The following BNC2 variants were observed in gnomAD, a reference collection of about 807,000 sequenced individuals.
The protein encoded by BNC2 is zinc finger protein basonuclin-2.
BNC2 carries 20 observed loss-of-function variants against 76.3 expected under a neutral mutation model. The ratio of observed to expected loss-of-function variants is 0.26; its 90% confidence interval spans 0.18 to 0.38. The LOEUF (loss-of-function observed/expected upper bound fraction) is 0.38, where lower values mean the gene tolerates loss of function less well. Ranked by LOEUF, BNC2 falls within the 10% of genes least tolerant of loss-of-function variation. The pLI, the probability that BNC2 is intolerant of heterozygous loss-of-function variation, is 1.00. For missense variants in BNC2, 1,382 were observed against 1,399.8 expected, an observed-to-expected ratio of 0.99 and a Z score of 0.20; for synonymous variants, 582 against 514.8, an observed-to-expected ratio of 1.13 and a Z score of -1.77.
chr9:16,539,389 G>C (rs888758294), intron 5 of BNC2, among the ~76,000 whole-genome samples: 1 of 151,492 alleles, frequency 6.6e-6, no homozygotes, highest in African/African-American at 2.4e-5. Context: ...ATAGCCAGGT[G>C]TGGTGGCACA....
chr9:16,736,201 T>C (rs1225726910), intron 2 of BNC2, among the ~76,000 whole-genome samples: 2 of 146,448 alleles, frequency 1.4e-5, no homozygotes, highest in African/African-American at 5.1e-5. Context: ...GCCACTGCAC[T>C]CCACTCTGTT....
intron 1 of BNC2, among the ~76,000 whole-genome samples, chr9:16,794,450 G>A (rs569559528): frequency 2.0e-5 from 3 of 152,200 alleles, no homozygotes; most frequent in African/African-American, 2.4e-5. Context: ...GAAGAGAGAG[G>A]TGGGATAGAC....
chr9:16,690,570 A>G (rs1823127687), intron 3 of BNC2, among the ~76,000 whole-genome samples: 1 of 152,180 alleles, frequency 6.6e-6, no homozygotes, highest in African/African-American at 2.4e-5. Context: ...GTACTTATCC[A>G]TTTTCAAGGA....
intron 4 of BNC2, among the ~76,000 whole-genome samples, chr9:16,561,896 C>T (rs1042293990): frequency 5.9e-5 from 9 of 151,802 alleles, no homozygotes; most frequent in Non-Finnish European, 1.0e-4. Flanking sequence ...CCCAGCTACT[C>T]GGGAGGCTGA....
intron 3 of BNC2, among the ~76,000 whole-genome samples, chr9:16,601,477 C>A (rs1166085761): frequency 6.6e-6 from 1 of 152,138 alleles, no homozygotes; most frequent in Non-Finnish European, 1.5e-5. Context: ...TGTTTCGAAT[C>A]CCCTGGGACA....
intron 5 of BNC2, among the ~76,000 whole-genome samples, chr9:16,526,716 T>C (rs1251892924): frequency 6.6e-6 from 1 of 152,120 alleles, no homozygotes; most frequent in African/African-American, 2.4e-5. Context: ...GATATGACCA[T>C]GATATGTCAA....
At chr9:16,767,499 G>A (rs534323886) in intron 1 of BNC2, among the ~76,000 whole-genome samples, 42 of 152,174 alleles carry the variant, frequency 2.8e-4, no homozygotes, top group African/African-American at 9.4e-4. Context: ...GAGCCTTTCC[G>A]GAGATCAATG....
At chr9:16,827,059 A>C (rs1045895387) in intron 1 of BNC2, among the ~76,000 whole-genome samples, 1 of 152,218 alleles carries the variant, frequency 6.6e-6, no homozygotes, top group South Asian at 2.1e-4. Flanking sequence ...GATGTTACCA[A>C]TTAGACTTGG....
At chr9:16,828,807 T>A (rs1287852989) in intron 1 of BNC2, among the ~76,000 whole-genome samples, 2 of 152,190 alleles carry the variant, frequency 1.3e-5, no homozygotes, top group South Asian at 2.1e-4. Context: ...AAGATCGCCA[T>A]AACAACCGCT....
At chr9:16,544,879 G>A (rs992634684) in intron 5 of BNC2, among the ~76,000 whole-genome samples, 6 of 151,614 alleles carry the variant, frequency 4.0e-5, no homozygotes, top group African/African-American at 1.5e-4. Flanking sequence ...TCTTCACAAT[G>A]TAGTAATGTT....
chr9:16,578,264 GTTTGT>G (rs1337182570), intron 4 of BNC2, among the ~76,000 whole-genome samples: 7 of 152,232 alleles, frequency 4.6e-5, no homozygotes, highest in South Asian at 2.1e-4. Flanking sequence ...TTAGAATTCA[GTTTGT>G]TTTCTTTCTT....
chr9:16,604,372 A>G (rs1406734635), intron 3 of BNC2, among the ~76,000 whole-genome samples: 1 of 152,256 alleles, frequency 6.6e-6, no homozygotes, highest in African/African-American at 2.4e-5. Context: ...TGCATGACAT[A>G]ATTTAAATGC....
At chr9:16,526,052 T>A (rs904917683) in intron 5 of BNC2, among the ~76,000 whole-genome samples, 5 of 152,168 alleles carry the variant, frequency 3.3e-5, no homozygotes, top group Admixed American at 6.5e-5. Flanking sequence ...CCTACAGACA[T>A]AACCTGTCCT....
chr9:16,622,570 A>C (rs1033650395), intron 3 of BNC2, among the ~76,000 whole-genome samples: 8 of 152,348 alleles, frequency 5.3e-5, no homozygotes, highest in Admixed American at 5.2e-4. Flanking sequence ...TTTTTCCACT[A>C]AATCCAAGAA....
intron 1 of BNC2, among the ~76,000 whole-genome samples, chr9:16,782,646 G>C (rs935083534): frequency 6.6e-6 from 1 of 152,108 alleles, no homozygotes; most frequent in Non-Finnish European, 1.5e-5. Flanking sequence ...GGAAGACTTT[G>C]GGCACCACTC....
chr9:16,665,151 C>A (rs1371494029), intron 3 of BNC2: 1 of 445,830 alleles, frequency 2.2e-6, no homozygotes, highest in East Asian at 7.2e-5. Context: ...GGTGGATCAC[C>A]TGAGGTCAGG....
At chr9:16,773,826 A>G (rs141948867) in intron 1 of BNC2, among the ~76,000 whole-genome samples, 2 of 152,108 alleles carry the variant, frequency 1.3e-5, no homozygotes, top group African/African-American at 2.4e-5. Context: ...CCCTTTGCGC[A>G]TTTTCTAACA....
chr9:16,616,428 A>G (rs1161359303), intron 3 of BNC2, among the ~76,000 whole-genome samples: 3 of 151,890 alleles, frequency 2.0e-5, no homozygotes, highest in Non-Finnish European at 4.4e-5. Context: ...CAGACATGGT[A>G]GCTCACACCT....
At chr9:16,650,253 T>C (rs146357891) in intron 3 of BNC2, among the ~76,000 whole-genome samples, 51 of 152,344 alleles carry the variant, frequency 3.3e-4, no homozygotes, top group African/African-American at 7.9e-4. Context: ...CCATTTTTAA[T>C]AAGGAACAGA....
Sources: gnomAD v4.1 joint callset for allele counts (sites outside exome capture counted in the v4.1 genomes callset) on GRCh38, gnomAD v4.1.1 for gene constraint, MANE v1.5 for transcripts, NCBI Gene and HGNC (gene_info 2026-07-23, HGNC 2026-07-21) for gene names.